The following LRP2 variants were observed in gnomAD, a reference collection of about 807,000 sequenced individuals.
LRP2 encodes LDL receptor related protein 2, also known as low-density lipoprotein receptor-related protein 2.
Under a neutral mutation model 531.0 loss-of-function variants are expected in LRP2, and 172 were observed. The ratio of observed to expected loss-of-function variants is 0.32; its 90% CI spans 0.29 to 0.37. The LOEUF is 0.37. Among genes scored for constraint, LRP2 ranks in the 10% least tolerant of loss-of-function variants. LRP2 has a pLI of 1.00. For missense variants in LRP2, 5,167 were observed against 5,868.3 expected (o/e 0.88, Z 3.90); for synonymous variants, 1,992 against 2,027.6 (o/e 0.98, Z 0.47).
chr2:169,231,818 C>A lies in LRP2; in HGVS notation c.5123G>T (p.Arg1708Leu). Residue 1708 changes from arginine to leucine, a missense_variant, in exon 31 of 79, where the codon CGC becomes CTC. Coordinates refer to ENST00000649046, the MANE Select transcript of LRP2 (RefSeq NM_004525.3). ...GGAAAGCAGGCAGAGATGGCTGCAG[C>A]GGGAAAAGGCACATGGATTCACGGC... ...PNSVNPCAFS[R>L]CSHLCLLSSQ... 6.2e-7 allele frequency: 1 copy of A among 1,613,854 alleles called. No individual in the cohort carries two copies. The highest frequency in any genetic ancestry group is 8.5e-7 in the Non-Finnish European group (1 of 1,179,938).
intron 19 of LRP2, among the ~76,000 whole-genome samples, chr2:169,254,234 G>A (rs1690205833): frequency 1.5e-5 from 1 of 66,098 alleles, no homozygotes; most frequent in African/African-American, 8.7e-5. Flanking sequence ...CAAAGACTTG[G>A]AACCAACCCA....
chr2:169,318,721 T>C, intron 3 of LRP2, 41 bp downstream of exon 3: 2 of 1,613,780 alleles, frequency 1.2e-6, no homozygotes, highest in East Asian at 2.2e-5. Context: ...GGGTTTTAGG[T>C]GTCCACAAAG....
intron 76 of LRP2, among the ~76,000 whole-genome samples, chr2:169,135,805 C>T (rs1229597819): frequency 6.6e-6 from 1 of 152,064 alleles, no homozygotes; most frequent in African/African-American, 2.4e-5. Context: ...TGGACTGCAC[C>T]CCAAAAAACT....
intron 31 of LRP2, among the ~76,000 whole-genome samples, chr2:169,229,434 G>T (rs1323260824): frequency 4.6e-5 from 7 of 152,070 alleles, no homozygotes; most frequent in Non-Finnish European, 1.0e-4. Flanking sequence ...AGCCTTCCCT[G>T]GAGCAAGGAC....
chr2:169,261,285 G>A (rs1230422610), intron 16 of LRP2, among the ~76,000 whole-genome samples: 1 of 151,898 alleles, frequency 6.6e-6, no homozygotes, highest in East Asian at 1.9e-4. Flanking sequence ...ATTGAAGGAG[G>A]GAGTTCTCCT....
intron 32 of LRP2, among the ~76,000 whole-genome samples, chr2:169,225,774 T>A (rs967084737): frequency 6.6e-6 from 1 of 152,234 alleles, no homozygotes; most frequent in African/African-American, 2.4e-5. Flanking sequence ...ATTTTGTATA[T>A]AGGTGACAAA....
At position 169,244,951 on chromosome 2, in the gene LRP2, G is replaced by A. The variant is rs1574174611; in HGVS notation, c.3191-19C>T. 6.2e-7 allele frequency: 1 copy of A among 1,613,948 alleles called. No homozygotes were observed. Among genetic ancestry groups the A allele is most frequent in the Non-Finnish European group, 8.5e-7 (1 of 1,179,924 alleles). ...GTATTATCTACAATAGTAACAAACT[G>A]GTCATGAAGACATTTGTTTTTACAG... On this transcript the variant is annotated intron_variant, in intron 21 of 78. Transcript: ENST00000649046.
intron 1 of LRP2, among the ~76,000 whole-genome samples, chr2:169,327,713 A>G (rs1188231344): frequency 1.7e-3 from 116 of 70,080 alleles, no homozygotes; most frequent in Admixed American, 2.8e-3. Context: ...AGGTGGGGGG[A>G]TCAGCACCCC....
At chr2:169,329,591 G>A (rs1365037630) in intron 1 of LRP2, among the ~76,000 whole-genome samples, 4 of 152,212 alleles carry the variant, frequency 2.6e-5, no homozygotes, top group African/African-American at 9.7e-5. Flanking sequence ...AGATCACTCT[G>A]AGTAGGTAAA....
intron 9 of LRP2, among the ~76,000 whole-genome samples, chr2:169,283,759 G>GAA (rs1683768743): frequency 6.6e-6 from 1 of 152,152 alleles, no homozygotes; most frequent in South Asian, 2.1e-4. Context: ...TTTAGTAAGT[G>GAA]TTCATTGAAG....
intron 76 of LRP2, among the ~76,000 whole-genome samples, chr2:169,135,717 A>G (rs1428676797): frequency 1.6e-5 from 1 of 61,420 alleles, no homozygotes; most frequent in Non-Finnish European, 3.5e-5. Context: ...AGAATGCTAC[A>G]GGGTACAGCC....
At chr2:169,234,893 A>G (rs4668129) in intron 29 of LRP2, among the ~76,000 whole-genome samples, 55,030 of 151,364 alleles carry the variant, frequency 0.36, 10,358 homozygotes, top group South Asian at 0.59. Flanking sequence ...ACTGAGAAAT[A>G]TAAATCTAGT....
At chr2:169,304,568 C>A (rs1684365203) in intron 4 of LRP2, among the ~76,000 whole-genome samples, 1 of 151,930 alleles carries the variant, frequency 6.6e-6, no homozygotes, top group South Asian at 2.1e-4. Flanking sequence ...AAATGAAGAA[C>A]CTACTGTGTG....
intron 1 of LRP2, among the ~76,000 whole-genome samples, chr2:169,359,480 A>T (rs1686086918): frequency 6.6e-6 from 1 of 152,240 alleles, no homozygotes; most frequent in African/African-American, 2.4e-5. Flanking sequence ...AGTGATGCGA[A>T]GTTTGCAATG....
chr2:169,269,856 T>C (rs188586191), intron 16 of LRP2, among the ~76,000 whole-genome samples: 11 of 152,266 alleles, frequency 7.2e-5, no homozygotes, highest in African/African-American at 2.6e-4. Context: ...AATCTACCCA[T>C]CTTACAAAGG....
At chr2:169,193,994 A>C in intron 46 of LRP2, 102 bp from the exon 47 acceptor site, 1 of 1,286,492 alleles carries the variant, frequency 7.8e-7, no homozygotes, top group South Asian at 1.2e-5. Context: ...AACCTGAAAC[A>C]GAGCATTATT....
chr2:169,261,455 C>T (rs936129837), intron 16 of LRP2, among the ~76,000 whole-genome samples: 16 of 151,608 alleles, frequency 1.1e-4, no homozygotes, highest in Admixed American at 1.1e-3. Flanking sequence ...TGGCACTACA[C>T]CACACCACCA....
Position 169,175,656 on chromosome 2 carries a change from A to G in LRP2, c.10572-267T>C, listed in dbSNP as rs571651233. Among the ~76,000 whole-genome samples the G allele has an allele frequency of 3.1e-4, 47 of 152,176 alleles. No homozygotes were observed. The East Asian group carries it at 7.1e-3, about 23-fold the overall frequency. ...AAATTTCCTCCACAAAAAAAAAACAATAAACAAATAAAGAGTGGGTGTTTT... is the reference window on the plus strand; with the variant it reads ...AAATTTCCTCCACAAAAAAAAAACAGTAAACAAATAAAGAGTGGGTGTTTT... On this transcript the variant is annotated intron_variant, in intron 54 of 78. Transcript: ENST00000649046.
At chr2:169,175,821 T>C (rs1194667408) in intron 54 of LRP2, among the ~76,000 whole-genome samples, 1 of 152,194 alleles carries the variant, frequency 6.6e-6, no homozygotes, top group Non-Finnish European at 1.5e-5. Context: ...TAATCTCAGA[T>C]ATCTTATTTA....
Sources: allele counts gnomAD v4.1 joint callset (sites outside exome capture counted in the v4.1 genomes callset), GRCh38; gene constraint gnomAD v4.1.1; transcripts MANE v1.5; gene names NCBI Gene and HGNC (gene_info 2026-07-23, HGNC 2026-07-21).